Variants in NR6A1 observed in about 807,000 individuals in gnomAD.
NR6A1 encodes retinoic acid receptor-related testis-associated receptor.
In NR6A1, 7 loss-of-function variants were observed where a neutral mutation model predicts 59.1. The observed-to-expected ratio is 0.12, with a 90% CI of 0.07 to 0.22. The LOEUF (loss-of-function observed/expected upper bound fraction) is 0.22. Among genes scored for constraint, NR6A1 ranks in the 10% least tolerant of loss-of-function variants. The pLI is 1.00. For synonymous variants in NR6A1, 243 were observed against 236.1 expected, an observed-to-expected ratio of 1.03 and a Z score of -0.27; for missense variants, 468 against 611.6, an observed-to-expected ratio of 0.77 and a Z score of 2.48.
intron 2 of NR6A1, among the ~76,000 whole-genome samples, chr9:124,680,059 G>T (rs1423033167): frequency 6.6e-6 from 1 of 151,452 alleles, no homozygotes; most frequent in African/African-American, 2.4e-5. Context: ...TATACATACA[G>T]TCAAATGTGT....
intron 3 of NR6A1, among the ~76,000 whole-genome samples, chr9:124,548,500 T>C (rs1042239269): frequency 9.2e-5 from 14 of 151,458 alleles, no homozygotes; most frequent in African/African-American, 3.1e-4. Flanking sequence ...TATAATAAAA[T>C]GTAAAAAAAA....
At chr9:124,727,386 T>C (rs555036734) in intron 2 of NR6A1, among the ~76,000 whole-genome samples, 3 of 152,364 alleles carry the variant, frequency 2.0e-5, no homozygotes, top group African/African-American at 7.2e-5. Flanking sequence ...ATACTTAAAA[T>C]GGCATAATAA....
rs542924016 is a variant in NR6A1 at position 124,643,955 on chromosome 9, C to A, written c.142+89353G>T. On this transcript the variant is annotated intron_variant, in intron 2 of 9. Coordinates refer to ENST00000487099, the MANE Select transcript of NR6A1 (RefSeq NM_033334.4). ...CTCACTCTGTCACCAGGCTGGGGTG[C>A]AGTGGCGCGATACTGGCTCACTACA... Among the ~76,000 whole-genome samples, 4 of 152,254 alleles carry A rather than the reference C, an allele frequency of 2.6e-5. No homozygotes were observed. In the South Asian group the frequency reaches 8.3e-4, roughly 32 times the overall value.
At chr9:124,653,270 G>A (rs1263316554) in intron 2 of NR6A1, among the ~76,000 whole-genome samples, 2 of 150,602 alleles carry the variant, frequency 1.3e-5, no homozygotes, top group Non-Finnish European at 2.9e-5. Context: ...TAGCTTGCAA[G>A]TAACTTTTTT....
At chr9:124,690,286 G>T (rs1487380509) in intron 2 of NR6A1, among the ~76,000 whole-genome samples, 1 of 152,102 alleles carries the variant, frequency 6.6e-6, no homozygotes, top group Non-Finnish European at 1.5e-5. Flanking sequence ...TTGAGTTTAT[G>T]CTTATTTCTT....
chr9:124,604,585 G>T (rs1264436439), intron 2 of NR6A1, among the ~76,000 whole-genome samples: 1 of 152,208 alleles, frequency 6.6e-6, no homozygotes, highest in East Asian at 1.9e-4. Context: ...GAGGCGGGTA[G>T]ATCGTTTGAG....
chr9:124,635,316 C>T (rs550782316), intron 2 of NR6A1, among the ~76,000 whole-genome samples: 2 of 152,282 alleles, frequency 1.3e-5, no homozygotes, highest in South Asian at 4.1e-4. Flanking sequence ...TTGTAATAAT[C>T]CCCAAGTGTC....
At position 124,534,900 on chromosome 9, in the gene NR6A1, G is replaced by A. The variant is rs371444262; in HGVS notation, c.1079+978C>T. ...AATCCCAGCACTTTGGAAGGCAGGC[G>A]GATCATGAGGTCGGGAGGCCGAGAC... On this transcript the variant is annotated intron_variant, in intron 7 of 9. Coordinates refer to ENST00000487099, the MANE Select transcript of NR6A1 (RefSeq NM_033334.4). 6.6e-5 allele frequency among the ~76,000 whole-genome samples: 10 copies of A among 151,758 alleles called. No homozygotes were observed. In the East Asian group the frequency reaches 1.6e-3, roughly 24 times the overall value.
Position 124,710,190 on chromosome 9 carries a change from G to A in NR6A1, c.142+23118C>T, listed in dbSNP as rs75084134. On this transcript the variant is annotated intron_variant, in intron 2 of 9. Transcript: ENST00000487099. ...ACGAGACAAGTCAACAAAAGTCTCC[G>A]CACAAAATCATTACATGAAGGACTT... 1.5e-4 allele frequency among the ~76,000 whole-genome samples: 23 copies of A among 152,142 alleles called. No homozygotes were observed. The East Asian group carries it at 2.7e-3, about 18-fold the overall frequency.
At position 124,572,070 on chromosome 9, in the gene NR6A1, A is replaced by G. The variant is rs1008106610; in HGVS notation, c.143-17500T>C. Among the ~76,000 whole-genome samples the G allele has an allele frequency of 2.0e-5, 3 of 152,190 alleles. 1 individual carries two copies. The South Asian group carries it at 6.2e-4, about 31-fold the overall frequency. The stretch of plus-strand genomic sequence containing the variant: ...TGCCAGGGAAGTCAAGGAAACAAAG[A>G]GCTGTACTAAACAGAGAGCAGTCAA... On this transcript the variant is annotated intron_variant, in intron 2 of 9. Transcript: ENST00000487099.
At chr9:124,679,179 T>C (rs1328124994) in intron 2 of NR6A1, among the ~76,000 whole-genome samples, 1 of 152,252 alleles carries the variant, frequency 6.6e-6, no homozygotes, top group East Asian at 1.9e-4. Flanking sequence ...CATGTTACTC[T>C]TGAAGTTAAT....
rs1235580315 is a variant in NR6A1, at chr9:124,744,845, G to A, written c.101-11496C>T. ...CCACACCATCCTCAACAGATGGTTTGATGGAAGAGAAGTAGCCAGCTCTGC... is the reference window on the plus strand; with the variant it reads ...CCACACCATCCTCAACAGATGGTTTAATGGAAGAGAAGTAGCCAGCTCTGC... On this transcript the variant is annotated intron_variant, in intron 1 of 9. Transcript: ENST00000487099. Among the ~76,000 whole-genome samples, 6 of 152,234 alleles carry A rather than the reference G, an allele frequency of 3.9e-5. No individual in the cohort carries two copies. In the East Asian group the frequency reaches 1.2e-3, roughly 29 times the overall value.
Position 124,630,270 on chromosome 9 carries a change from C to T in NR6A1, c.143-75700G>A, listed in dbSNP as rs967201412. The stretch of plus-strand genomic sequence containing the variant: ...TGCTCTTGTTGCCCAGGCTGGAGTG[C>T]AATGGCATGATCTTGGCTCACTGCA... On this transcript the variant is annotated intron_variant, in intron 2 of 9. Transcript: ENST00000487099. 2.3e-5 allele frequency among the ~76,000 whole-genome samples: 3 copies of T among 132,618 alleles called. No homozygotes were observed. The South Asian group carries it at 7.2e-4, about 32-fold the overall frequency. The allele number at this position is 132,618 out of a possible 152,430, so 87.0% of individuals were successfully genotyped here.
rs1841162251 is a variant in NR6A1 at position 124,771,288 on chromosome 9, T to TCCGCG, written c.-174_-170dup. ...CCGGCTCCGCGCCGCTCCGCGCCCC[T>TCCGCG]CCGCGCCGCGCCCCCTCAGCACTGG... On this transcript the variant is annotated 5_prime_UTR_variant, in exon 1 of 10. Transcript: ENST00000487099. 2.6e-6 allele frequency: 1 copy of TCCGCG among 391,998 alleles called. No homozygotes were observed. The highest frequency in any genetic ancestry group is 1.3e-4 in the South Asian group (1 of 7,822). The allele number at this position is 391,998 out of a possible 1,614,324, so 24.3% of individuals were successfully genotyped here.
At chr9:124,612,868 G>T (rs757353329) in intron 2 of NR6A1, among the ~76,000 whole-genome samples, 6 of 149,036 alleles carry the variant, frequency 4.0e-5, no homozygotes, top group Non-Finnish European at 8.9e-5. Context: ...ATACAAATTG[G>T]TACAACATTT....
intron 1 of NR6A1, among the ~76,000 whole-genome samples, chr9:124,749,285 C>T (rs1286257482): frequency 6.6e-6 from 1 of 151,958 alleles, no homozygotes; most frequent in South Asian, 2.1e-4. Context: ...AAAGAGTTAC[C>T]CATTATTATA....
intron 2 of NR6A1, among the ~76,000 whole-genome samples, chr9:124,719,022 G>A (rs1440902071): frequency 6.6e-6 from 1 of 151,776 alleles, no homozygotes; most frequent in Non-Finnish European, 1.5e-5. Flanking sequence ...AGAAGCATCT[G>A]TAAACATACA....
intron 2 of NR6A1, among the ~76,000 whole-genome samples, chr9:124,675,507 C>T (rs1346124632): frequency 6.6e-6 from 1 of 152,158 alleles, no homozygotes; most frequent in African/African-American, 2.4e-5. Flanking sequence ...AGGTTGATGT[C>T]AAAGATTTCT....
intron 2 of NR6A1, among the ~76,000 whole-genome samples, chr9:124,717,236 G>T (rs567010896): frequency 1.3e-5 from 2 of 152,140 alleles, no homozygotes; most frequent in Non-Finnish European, 2.9e-5. Flanking sequence ...GTAATTCCTA[G>T]ATGTATGACT....
Sources: allele counts gnomAD v4.1 joint callset (sites outside exome capture counted in the v4.1 genomes callset), GRCh38; gene constraint gnomAD v4.1.1; transcripts MANE v1.5; gene names NCBI Gene and HGNC (gene_info 2026-07-23, HGNC 2026-07-21).